Variants in MGMT observed in about 807,000 individuals in gnomAD.
The protein encoded by MGMT is O-6-methylguanine-DNA methyltransferase.
A neutral mutation model predicts 15.9 loss-of-function variants in MGMT; 14 were observed. That is an observed-to-expected ratio of 0.88 (90% CI 0.58 to 1.37). The LOEUF is 1.37. MGMT is among the 40% of genes most tolerant of loss of function. The probability of loss-of-function intolerance (pLI) is 0.00; values close to 1 mark genes in which losing one functional copy is unlikely to be tolerated. For missense variants in MGMT, 282 were observed against 268.1 expected (o/e 1.05, Z -0.36); for synonymous variants, 130 against 118.2 (o/e 1.10, Z -0.65).
intron 2 of MGMT, among the ~76,000 whole-genome samples, chr10:129,620,678 T>C (rs1236687409): frequency 6.6e-6 from 1 of 152,242 alleles, no homozygotes; most frequent in Non-Finnish European, 1.5e-5. Flanking sequence ...TTATACTCTT[T>C]TCCATCCTTT....
At chr10:129,643,467 G>A (rs1478466811) in intron 2 of MGMT, among the ~76,000 whole-genome samples, 2 of 152,186 alleles carry the variant, frequency 1.3e-5, no homozygotes, top group Non-Finnish European at 2.9e-5. Flanking sequence ...TGTTTGAGCT[G>A]GGCCAGGGCA....
At chr10:129,701,221 C>G (rs1387274502) in intron 2 of MGMT, 1 of 152,220 alleles carries the variant, frequency 6.6e-6, no homozygotes, top group Non-Finnish European at 1.5e-5. Flanking sequence ...AGAGGAGCAC[C>G]TGTCTTTGGA....
At chr10:129,605,965 A>G (rs533077909) in intron 2 of MGMT, among the ~76,000 whole-genome samples, 1 of 152,028 alleles carries the variant, frequency 6.6e-6, no homozygotes, top group African/African-American at 2.4e-5. Flanking sequence ...CCTTATCTCC[A>G]TTTGGCACTA....
intron 3 of MGMT, among the ~76,000 whole-genome samples, chr10:129,709,874 G>T (rs1475225378): frequency 6.6e-6 from 1 of 152,102 alleles, no homozygotes; most frequent in Non-Finnish European, 1.5e-5. Context: ...CTCCGCAGCT[G>T]CTGACAGGAG....
intron 1 of MGMT, among the ~76,000 whole-genome samples, chr10:129,507,335 C>T (rs1290573406): frequency 6.6e-6 from 1 of 152,166 alleles, no homozygotes; most frequent in East Asian, 1.9e-4. Context: ...GCCTCTGGGG[C>T]AGGGGTGGCC....
chr10:129,479,788 G>A (rs1845336476), intron 1 of MGMT, among the ~76,000 whole-genome samples: 1 of 151,990 alleles, frequency 6.6e-6, no homozygotes, highest in African/African-American at 2.4e-5. Flanking sequence ...GGAGGGGTTG[G>A]GGTGGGGGTG....
chr10:129,497,246 G>A (rs944811157), intron 1 of MGMT, among the ~76,000 whole-genome samples: 1 of 152,190 alleles, frequency 6.6e-6, no homozygotes, highest in East Asian at 1.9e-4. Flanking sequence ...AGCAGCATCA[G>A]TTCTGGATCC....
At chr10:129,755,080 T>C (rs1408016611) in intron 3 of MGMT, among the ~76,000 whole-genome samples, 3 of 152,254 alleles carry the variant, frequency 2.0e-5, no homozygotes, top group African/African-American at 4.8e-5. Flanking sequence ...TTTCCAAGGC[T>C]GCCAACTACT....
intron 2 of MGMT, among the ~76,000 whole-genome samples, chr10:129,667,550 A>G (rs1397348643): frequency 6.6e-6 from 1 of 152,108 alleles, no homozygotes; most frequent in Non-Finnish European, 1.5e-5. Flanking sequence ...TGGTAGTTGG[A>G]ATTTTCATTA....
At position 129,550,957 on chromosome 10, in the gene MGMT, G is replaced by A. The variant is rs372055319; in HGVS notation, c.125+14580G>A. 2.0e-3 allele frequency among the ~76,000 whole-genome samples: 299 copies of A among 152,210 alleles called. 3 individuals carry two copies. The South Asian group carries it at 0.027, about 14-fold the overall frequency. On this transcript the variant is annotated intron_variant, in intron 2 of 4. Coordinates refer to ENST00000651593, the MANE Select transcript of MGMT (RefSeq NM_002412.5). The stretch of plus-strand genomic sequence containing the variant: ...CTGCCAACGTTGGTAGTGCTGTTTC[G>A]GCCTGGAGGGCAGGTGGGCCTCTGG...
At chr10:129,536,785 C>G (rs1490735159) in intron 2 of MGMT, 1 of 153,822 alleles carries the variant, frequency 6.5e-6, no homozygotes, top group Non-Finnish European at 1.4e-5. Context: ...TCAGCGTTCC[C>G]TGTTCCTCCA....
At chr10:129,497,474 G>A (rs1313425442) in intron 1 of MGMT, among the ~76,000 whole-genome samples, 1 of 152,164 alleles carries the variant, frequency 6.6e-6, no homozygotes, top group Admixed American at 6.5e-5. Flanking sequence ...TTTTTGGGGG[G>A]ACTTTTTATT....
At chr10:129,671,168 T>C (rs896776600) in intron 2 of MGMT, among the ~76,000 whole-genome samples, 1 of 152,214 alleles carries the variant, frequency 6.6e-6, no homozygotes, top group African/African-American at 2.4e-5. Context: ...TACAGTTAAA[T>C]ACATTATGTT....
chr10:129,502,974 A>C (rs1845589486), intron 1 of MGMT, among the ~76,000 whole-genome samples: 2 of 152,128 alleles, frequency 1.3e-5, no homozygotes, highest in African/African-American at 4.8e-5. Flanking sequence ...TTTAAAACTG[A>C]GTTGACGAAT....
intron 2 of MGMT, among the ~76,000 whole-genome samples, chr10:129,567,079 C>T (rs878943834): frequency 1.3e-5 from 2 of 152,224 alleles, no homozygotes; most frequent in Admixed American, 6.5e-5. Context: ...TTTAGAGACC[C>T]GGAAAAGGGA....
chr10:129,697,012 G>A (rs1848040598), intron 2 of MGMT, among the ~76,000 whole-genome samples: 1 of 152,238 alleles, frequency 6.6e-6, no homozygotes, highest in African/African-American at 2.4e-5. Context: ...ACAGGTCACT[G>A]ATGTGTTTAA....
chr10:129,600,846 G>A (rs1846813281), intron 2 of MGMT, among the ~76,000 whole-genome samples: 1 of 152,150 alleles, frequency 6.6e-6, no homozygotes, highest in Non-Finnish European at 1.5e-5. Context: ...TTACTGGCAA[G>A]CAGTAATTAG....
intron 1 of MGMT, among the ~76,000 whole-genome samples, chr10:129,509,116 C>T (rs1231579691): frequency 6.6e-6 from 1 of 152,194 alleles, no homozygotes; most frequent in Admixed American, 6.5e-5. Flanking sequence ...CATCACCTGG[C>T]TCCACCAGGG....
intron 2 of MGMT, among the ~76,000 whole-genome samples, chr10:129,674,315 T>C (rs952829213): frequency 6.6e-5 from 10 of 152,206 alleles, no homozygotes; most frequent in Admixed American, 2.0e-4. Flanking sequence ...GACGGTAGTT[T>C]GGAAGCTGCA....
Sources: gnomAD v4.1 joint callset for allele counts (sites outside exome capture counted in the v4.1 genomes callset) on GRCh38, gnomAD v4.1.1 for gene constraint, MANE v1.5 for transcripts, NCBI Gene and HGNC (gene_info 2026-07-23, HGNC 2026-07-21) for gene names.